The following HVCN1 variants were observed in gnomAD, a reference collection of about 807,000 sequenced individuals.
HVCN1 encodes voltage-gated hydrogen channel 1.
HVCN1 carries 14 observed loss-of-function variants against 29.2 expected under a neutral mutation model. The observed-to-expected ratio is 0.48, with a 90% CI of 0.32 to 0.75. The LOEUF is 0.75. Among genes scored for constraint, HVCN1 ranks in the 30% least tolerant of loss-of-function variants. The pLI, the probability that HVCN1 is intolerant of heterozygous loss-of-function variation, is 0.04. For synonymous variants in HVCN1, 131 were observed against 133.2 expected (o/e 0.98, Z 0.11); for missense variants, 263 against 341.8 (o/e 0.77, Z 1.82).
intron 3 of HVCN1, among the ~76,000 whole-genome samples, chr12:110,663,094 T>C (rs1328140589): frequency 6.6e-6 from 1 of 152,076 alleles, no homozygotes; most frequent in Non-Finnish European, 1.5e-5. Flanking sequence ...CAAATATCGG[T>C]GAGGGCGTGA....
chr12:110,659,333 A>ATTT (rs1167739950), intron 4 of HVCN1, among the ~76,000 whole-genome samples: 3 of 150,946 alleles, frequency 2.0e-5, no homozygotes, highest in Admixed American at 2.0e-4. Context: ...GACCAAAATA[A>ATTT]TTTTTTTCTC....
intron 3 of HVCN1, among the ~76,000 whole-genome samples, chr12:110,663,000 A>C (rs1163243201): frequency 1.3e-5 from 2 of 152,212 alleles, no homozygotes; most frequent in East Asian, 3.8e-4. Flanking sequence ...GCTTATCCCC[A>C]ATAATACTCA....
intron 2 of HVCN1, among the ~76,000 whole-genome samples, chr12:110,687,400 T>C (rs573024937): frequency 5.1e-4 from 77 of 152,112 alleles, no homozygotes; most frequent in African/African-American, 1.6e-3. Flanking sequence ...ATGTCACAGA[T>C]TGCAGAGAAG....
chr12:110,654,047 A>G (rs2067904619), intron 5 of HVCN1, among the ~76,000 whole-genome samples: 1 of 152,214 alleles, frequency 6.6e-6, no homozygotes, highest in African/African-American at 2.4e-5. Flanking sequence ...TGACAAAGCA[A>G]ACACAGCAAA....
intron 3 of HVCN1, among the ~76,000 whole-genome samples, chr12:110,668,515 C>T (rs1199172724): frequency 6.6e-6 from 1 of 151,924 alleles, no homozygotes; most frequent in East Asian, 1.9e-4. Context: ...GAAAACAAAA[C>T]AAAAAACCCC....
At chr12:110,671,741 C>T (rs138297193) in intron 3 of HVCN1, among the ~76,000 whole-genome samples, 6 of 152,292 alleles carry the variant, frequency 3.9e-5, no homozygotes, top group African/African-American at 1.4e-4. Flanking sequence ...GGAGAAAGCC[C>T]GATTCTGCAG....
At chr12:110,698,255 C>G (rs2069522955) in intron 2 of HVCN1, among the ~76,000 whole-genome samples, 1 of 152,216 alleles carries the variant, frequency 6.6e-6, no homozygotes, top group Non-Finnish European at 1.5e-5. Flanking sequence ...CCGTCTTGGC[C>G]TCCTAAAGTG....
At chr12:110,671,716 G>A (rs1383646782) in intron 3 of HVCN1, among the ~76,000 whole-genome samples, 1 of 152,156 alleles carries the variant, frequency 6.6e-6, no homozygotes, top group African/African-American at 2.4e-5. Flanking sequence ...ACTTCTTCAG[G>A]GCCCAAAACC....
Position 110,661,321 on chromosome 12 carries a change from T to C in HVCN1, c.149A>G (p.Glu50Gly), listed in dbSNP as rs369937599. The C allele has an allele frequency of 2.5e-6, 4 of 1,614,168 alleles. No homozygotes were observed. Among genetic ancestry groups the C allele is most frequent in the East Asian group, 2.2e-5 (1 of 44,876 alleles). ...TGGTGGCTGCTCCTCCTCCTCCTCC[T>C]CCTCTTCATTCTCCCATTTCTTGTA... ...INYKKWENEE[E>G]EEEEEQPPPT... The change falls in exon 4 of 8, where the codon GAG (glutamate) becomes GGG (glycine). Residue 50 changes from glutamate to glycine, a missense_variant. Glu to Gly is a moderately conservative substitution (Grantham distance 98). Coordinates refer to ENST00000242607, the MANE Select transcript of HVCN1 (RefSeq NM_032369.4). The surrounding 1 kb of genome is among the most constrained non-coding windows in gnomAD (Gnocchi z 6.2).
chr12:110,660,842 C>T (rs2068144737), intron 4 of HVCN1, among the ~76,000 whole-genome samples: 1 of 152,202 alleles, frequency 6.6e-6, no homozygotes, highest in African/African-American at 2.4e-5. Context: ...AAGGTTCATC[C>T]ACATTGTGGC....
chr12:110,674,902 T>C (rs1213126336), intron 3 of HVCN1, among the ~76,000 whole-genome samples: 1 of 151,980 alleles, frequency 6.6e-6, no homozygotes, highest in Non-Finnish European at 1.5e-5. Context: ...AGTTAAGTGG[T>C]GAATGAAGTA....
upstream of HVCN1, among the ~76,000 whole-genome samples, chr12:110,691,123 C>T (rs770521283): frequency 1.5e-4 from 22 of 151,632 alleles, no homozygotes; most frequent in Non-Finnish European, 2.2e-4. Flanking sequence ...AGTGCAGTGG[C>T]GCGACCTCGG....
At chr12:110,679,638 G>A (rs1442611809) in intron 3 of HVCN1, among the ~76,000 whole-genome samples, 3 of 152,138 alleles carry the variant, frequency 2.0e-5, no homozygotes, top group Admixed American at 1.3e-4. Context: ...TGGATCATGA[G>A]GTCAGGAGAT....
intron 5 of HVCN1, among the ~76,000 whole-genome samples, chr12:110,654,117 G>A (rs1381143684): frequency 6.6e-6 from 1 of 152,056 alleles, no homozygotes; most frequent in African/African-American, 2.4e-5. Context: ...AGTATGGCAG[G>A]TATGTTAATG....
intron 5 of HVCN1, among the ~76,000 whole-genome samples, chr12:110,652,737 A>G (rs1338563814): frequency 6.6e-6 from 1 of 152,240 alleles, no homozygotes; most frequent in African/African-American, 2.4e-5. Flanking sequence ...ATGTAGAAGG[A>G]AAGACAGAAA....
chr12:110,686,436 T>C (rs1329649759), intron 2 of HVCN1, among the ~76,000 whole-genome samples: 1 of 152,226 alleles, frequency 6.6e-6, no homozygotes, highest in East Asian at 1.9e-4. Flanking sequence ...GAGCAACTTC[T>C]GGACCCAGCA....
chr12:110,657,977 G>T (rs1209910515), intron 4 of HVCN1, among the ~76,000 whole-genome samples: 1 of 152,198 alleles, frequency 6.6e-6, no homozygotes, highest in African/African-American at 2.4e-5. Context: ...CGGGGAAAGT[G>T]GGGTGGGCCA....
chr12:110,685,012 C>T (rs764715540), intron 2 of HVCN1, among the ~76,000 whole-genome samples: 13 of 152,104 alleles, frequency 8.5e-5, no homozygotes, highest in Non-Finnish European at 1.8e-4. Context: ...GTGTGGTAGG[C>T]AAAATAATGC....
intron 5 of HVCN1, among the ~76,000 whole-genome samples, chr12:110,652,730 TAGA>T (rs1218081846): frequency 6.6e-6 from 1 of 152,164 alleles, no homozygotes; most frequent in Non-Finnish European, 1.5e-5. Flanking sequence ...CTACTAAATG[TAGA>T]AGGAAAGACA....
Sources: allele counts gnomAD v4.1 joint callset (sites outside exome capture counted in the v4.1 genomes callset), GRCh38; gene constraint gnomAD v4.1.1; non-coding constraint Gnocchi (gnomAD v3.1); transcripts MANE v1.5; gene names NCBI Gene and HGNC (gene_info 2026-07-23, HGNC 2026-07-21).